PCDH15: variants seen among roughly 807,000 people sequenced by gnomAD.
PCDH15 encodes the protein protocadherin related 15, also known as protocadherin-15.
PCDH15 carries 129 observed loss-of-function variants against 178.5 expected under a neutral mutation model. That is an observed-to-expected ratio of 0.72 (90% confidence interval 0.63 to 0.84). The LOEUF (loss-of-function observed/expected upper bound fraction) is 0.84, where lower values mean the gene tolerates loss of function less well. PCDH15 is among the 40% of genes least tolerant of loss of function. The pLI, the probability that PCDH15 is intolerant of heterozygous loss-of-function variation, is 0.00. For synonymous variants in PCDH15, 800 were observed against 732.0 expected (o/e 1.09, Z -1.50); for missense variants, 2,230 against 2,099.9 (o/e 1.06, Z -1.21).
intron 1 of PCDH15, among the ~76,000 whole-genome samples, chr10:55,225,515 C>T (rs12783222): frequency 6.6e-6 from 1 of 151,612 alleles, no homozygotes; most frequent in African/African-American, 2.4e-5. Context: ...GCTGTCTTGT[C>T]GGAAGATAGA....
chr10:55,364,005 A>G (rs1164366658), intron 2 of PCDH15, among the ~76,000 whole-genome samples: 1 of 152,038 alleles, frequency 6.6e-6, no homozygotes, highest in African/African-American at 2.4e-5. Context: ...CAACGGAGAG[A>G]TCAGGTGGAG....
intron 16 of PCDH15, among the ~76,000 whole-genome samples, chr10:54,084,712 C>CATT (rs111660337): frequency 0.027 from 4,089 of 152,038 alleles, 173 homozygotes; most frequent in African/African-American, 0.09. Flanking sequence ...TTCAAAATTC[C>CATT]GTTATTAGGA....
chr10:54,304,037 A>C (rs758332609), intron 8 of PCDH15, among the ~76,000 whole-genome samples: 75 of 152,122 alleles, frequency 4.9e-4, no homozygotes, highest in Non-Finnish European at 2.5e-4. Flanking sequence ...TTAGGAATTT[A>C]GAGGTTTTTG....
intron 2 of PCDH15, among the ~76,000 whole-genome samples, chr10:55,599,006 G>A (rs1015534679): frequency 6.6e-6 from 1 of 151,998 alleles, no homozygotes; most frequent in African/African-American, 2.4e-5. Flanking sequence ...ATTTACCCTC[G>A]ACAAAAGTAT....
At chr10:53,924,312 G>T (rs1474772062) in intron 25 of PCDH15, among the ~76,000 whole-genome samples, 2 of 152,222 alleles carry the variant, frequency 1.3e-5, no homozygotes, top group East Asian at 1.9e-4. Flanking sequence ...GCAGTGAGGG[G>T]CTTAGCACCC....
intron 2 of PCDH15, among the ~76,000 whole-genome samples, chr10:55,022,420 C>T (rs974116576): frequency 5.5e-5 from 8 of 146,432 alleles, no homozygotes; most frequent in Admixed American, 2.1e-4. Flanking sequence ...TCACTGCATT[C>T]CAGCCTGGGT....
At chr10:54,140,621 A>G (rs12256914) in intron 14 of PCDH15, among the ~76,000 whole-genome samples, 2,118 of 146,784 alleles carry the variant, frequency 0.014, 56 homozygotes, top group African/African-American at 0.052. Flanking sequence ...AGGTGCTGCC[A>G]CCTCACCTGG....
chr10:55,615,396 A>G (rs1292961584), intron 2 of PCDH15, among the ~76,000 whole-genome samples: 2 of 152,228 alleles, frequency 1.3e-5, no homozygotes, highest in Non-Finnish European at 2.9e-5. Flanking sequence ...TACATTAATG[A>G]AAAATAATCA....
At chr10:55,474,734 C>T (rs2132110998) in intron 2 of PCDH15, among the ~76,000 whole-genome samples, 1 of 152,250 alleles carries the variant, frequency 6.6e-6, no homozygotes, top group Middle Eastern at 3.4e-3. Context: ...TCAATTGCAG[C>T]TGTTAGGCTC....
chr10:54,225,043 A>G (rs1000112590), intron 9 of PCDH15, among the ~76,000 whole-genome samples: 1 of 152,158 alleles, frequency 6.6e-6, no homozygotes, highest in Non-Finnish European at 1.5e-5. Flanking sequence ...TTATCTTAGT[A>G]GCCAATATCT....
At chr10:54,098,190 TTGTGTGTGTGTGTGTGTGTGTGTGTG>T (rs35596789) in intron 15 of PCDH15, among the ~76,000 whole-genome samples, 3 of 143,104 alleles carry the variant, frequency 2.1e-5, no homozygotes, top group Admixed American at 1.4e-4. Context: ...GAAAATAAAG[TTGTGTGTGTGTGTGTGTGTGTGTGTG>T]TGTGTGTGTG....
At chr10:54,914,576 G>A in intron 2 of PCDH15, among the ~76,000 whole-genome samples, 1 of 152,104 alleles carries the variant, frequency 6.6e-6, no homozygotes, top group East Asian at 1.9e-4. Flanking sequence ...GGGGCCTTAT[G>A]CTGGAAACTT....
chr10:54,433,355 T>G (rs774528712), intron 3 of PCDH15, among the ~76,000 whole-genome samples: 5 of 146,038 alleles, frequency 3.4e-5, no homozygotes, highest in Non-Finnish European at 7.4e-5. Context: ...AATGTGGTTC[T>G]TATATACAAT....
intron 2 of PCDH15, among the ~76,000 whole-genome samples, chr10:55,136,049 T>C (rs1480541369): frequency 2.0e-5 from 3 of 152,196 alleles, no homozygotes; most frequent in Admixed American, 2.0e-4. Flanking sequence ...TAAATGAATT[T>C]CATATCTGGG....
chr10:54,843,688 C>T (rs1387702546), intron 3 of PCDH15, among the ~76,000 whole-genome samples: 1 of 151,896 alleles, frequency 6.6e-6, no homozygotes, highest in African/African-American at 2.4e-5. Flanking sequence ...GATAATTTGA[C>T]GATTGTTAAC....
intron 2 of PCDH15, among the ~76,000 whole-genome samples, chr10:54,920,734 A>C (rs943664065): frequency 6.6e-6 from 1 of 152,202 alleles, no homozygotes; most frequent in Non-Finnish European, 1.5e-5. Context: ...GATGAATAAG[A>C]ATCATAGAGT....
At chr10:54,726,431 T>G (rs111443553) in intron 1 of PCDH15, among the ~76,000 whole-genome samples, 2,175 of 112,642 alleles carry the variant, frequency 0.019, 47 homozygotes, top group East Asian at 0.087. Context: ...TGTGTGTGTG[T>G]GTGTGTGTGT....
intron 5 of PCDH15, among the ~76,000 whole-genome samples, chr10:54,360,450 G>A (rs564271050): frequency 7.4e-4 from 112 of 152,070 alleles, no homozygotes; most frequent in African/African-American, 2.0e-3. Context: ...GTGGTGAGCG[G>A]CAGGACCTAG....
intron 1 of PCDH15, among the ~76,000 whole-genome samples, chr10:54,780,386 C>A (rs1174826694): frequency 2.0e-5 from 3 of 152,094 alleles, no homozygotes; most frequent in African/African-American, 7.2e-5. Flanking sequence ...AGCTGTGGGT[C>A]AGCTGTTTAC....
Sources: allele counts gnomAD v4.1 joint callset (sites outside exome capture counted in the v4.1 genomes callset), GRCh38; gene constraint gnomAD v4.1.1; transcripts MANE v1.5; gene names NCBI Gene and HGNC (gene_info 2026-07-23, HGNC 2026-07-21).